DMXL1: variants seen among roughly 807,000 people sequenced by gnomAD.
DMXL1 encodes the protein Dmx like 1, also known as dmX-like protein 1.
A neutral mutation model predicts 319.2 loss-of-function variants in DMXL1; 99 were observed. That is an observed-to-expected ratio of 0.31 (90% confidence interval 0.26 to 0.37). The LOEUF (loss-of-function observed/expected upper bound fraction) is 0.37. Ranked by LOEUF, DMXL1 falls within the 10% of genes least tolerant of loss-of-function variation. DMXL1 has a pLI of 1.00. For missense variants in DMXL1, 3,745 were observed against 3,595.6 expected (o/e 1.04, Z -1.06); for synonymous variants, 1,385 against 1,235.2 (o/e 1.12, Z -2.54).
chr5:119,077,771 G>GTA (rs1371687209), intron 1 of DMXL1, among the ~76,000 whole-genome samples: 7 of 143,484 alleles, frequency 4.9e-5, no homozygotes, highest in Non-Finnish European at 1.1e-4. Context: ...GTGTGTGTGT[G>GTA]TGTGTGTGTG....
chr5:119,146,801 C>T, intron 15 of DMXL1, 36 bp from the exon 16 acceptor site: 1 of 1,587,050 alleles, frequency 6.3e-7, no homozygotes, highest in Admixed American at 1.8e-5. Context: ...CTCTTTTACA[C>T]ATAGTAACAG....
At chr5:119,110,884 G>T (rs1004476454) in intron 5 of DMXL1, among the ~76,000 whole-genome samples, 2 of 152,178 alleles carry the variant, frequency 1.3e-5, no homozygotes, top group African/African-American at 4.8e-5. Flanking sequence ...CACCTCCCTG[G>T]TTCAAGCAAT....
chr5:119,161,333 T>C (rs1476659454), intron 19 of DMXL1, among the ~76,000 whole-genome samples: 3 of 152,246 alleles, frequency 2.0e-5, no homozygotes, highest in Admixed American at 2.0e-4. Flanking sequence ...TAGCCTCTAA[T>C]TGGGCTGGGT....
chr5:119,177,612 AT>A, intron 27 of DMXL1, 128 bp downstream of exon 27: 1 of 692,570 alleles, frequency 1.4e-6, no homozygotes, highest in Non-Finnish European at 2.3e-6. Context: ...CCAGTTAAGT[AT>A]TCACCACTCA....
intron 3 of DMXL1, 51 bp from the exon 4 acceptor site, chr5:119,105,129 C>T: frequency 8.5e-7 from 1 of 1,170,560 alleles, no homozygotes; most frequent in Non-Finnish European, 1.3e-6. Context: ...ACACATTTGA[C>T]AGAGAAAATA....
At chr5:119,126,438 A>G (rs947058944) in intron 9 of DMXL1, among the ~76,000 whole-genome samples, 2 of 152,162 alleles carry the variant, frequency 1.3e-5, no homozygotes, top group African/African-American at 2.4e-5. Flanking sequence ...TATCCTCTCA[A>G]CAGTCATACC....
At chr5:119,233,797 A>T (rs1280870806) in intron 39 of DMXL1, among the ~76,000 whole-genome samples, 4 of 152,182 alleles carry the variant, frequency 2.6e-5, no homozygotes, top group African/African-American at 9.6e-5. Flanking sequence ...AGCAAGTAAC[A>T]TCTAGAGCTT....
At position 119,094,367 on chromosome 5, in the gene DMXL1, C is replaced by T. The variant is rs76385738; in HGVS notation, c.88-3612C>T. ...GTGCTCTACAAGTGGAACAACAAAG[C>T]CCGGATGACAGCACCTATGTATACA... On this transcript the variant is annotated intron_variant, in intron 1 of 43. Coordinates refer to ENST00000539542, the MANE Select transcript of DMXL1 (RefSeq NM_001290321.3). Among the ~76,000 whole-genome samples, 76 of 152,314 alleles carry T rather than the reference C, an allele frequency of 5.0e-4. 5 individuals are homozygous for T. In the East Asian group the frequency reaches 0.014, roughly 28 times the overall value.
Position 119,110,139 on chromosome 5 carries a change from TA to T in DMXL1, c.365-11del. On this transcript the variant is annotated splice_polypyrimidine_tract_variant and intron_variant, in intron 4 of 43. Coordinates refer to ENST00000539542, the MANE Select transcript of DMXL1 (RefSeq NM_001290321.3). ...TACCTAAATAATAAATGAGGAATAA[TA>T]TTTTTTTTAGGCAGTCGTCTTTTAA... 2.5e-6 allele frequency: 4 copies of T among 1,585,822 alleles called. No homozygotes were observed. The highest frequency in any genetic ancestry group is 3.4e-6 in the Non-Finnish European group (4 of 1,168,802).
chr5:119,217,437 A>G (rs1783878718), intron 35 of DMXL1, among the ~76,000 whole-genome samples: 1 of 152,254 alleles, frequency 6.6e-6, no homozygotes, highest in East Asian at 1.9e-4. Context: ...TTAAATTTCT[A>G]CTTAACATCC....
At position 119,077,062 on chromosome 5, in the gene DMXL1, C is replaced by T. The variant is rs111884955; in HGVS notation, c.87+5406C>T. ...AGAGATGGGGGTCTCACTGTATTGA[C>T]CAGGCATGACCAGGAACTCCTGGCC... On this transcript the variant is annotated intron_variant, in intron 1 of 43. Coordinates refer to ENST00000539542, the MANE Select transcript of DMXL1 (RefSeq NM_001290321.3). Among the ~76,000 whole-genome samples the T allele has an allele frequency of 4.1e-3, 624 of 152,260 alleles. 6 individuals carry two copies. The highest frequency in any genetic ancestry group is 0.013 in the African/African-American group (555 of 41,532).
intron 19 of DMXL1, among the ~76,000 whole-genome samples, chr5:119,162,530 A>C (rs533383739): frequency 6.6e-6 from 1 of 152,276 alleles, no homozygotes; most frequent in African/African-American, 2.4e-5. Context: ...AAAAAGGACT[A>C]CCTATGTCTC....
rs74716213 is a variant in DMXL1 at position 119,166,750 on chromosome 5, T to C, written c.5105T>C (p.Leu1702Pro). The change falls in exon 22 of 44, where the codon CTT becomes CCT. Residue 1702 changes from leucine to proline, a missense_variant. Around this residue, in one of 4 missense-constraint regions of DMXL1, gnomAD observed 1,382 missense variants for 1,269.5 expected, o/e 1.09. Transcript: ENST00000539542. The part of the protein sequence containing the change: ...QRFEHSAAFF[L>P]LAGCLRDAIE... ...TTTGAACATTCTGCAGCATTTTTTC[T>C]TTTAGCTGGTTGCCTCAGAGATGCA... 6.2e-7 allele frequency: 1 copy of C among 1,612,102 alleles called. No individual in the cohort carries two copies. The highest frequency in any genetic ancestry group is 8.5e-7 in the Non-Finnish European group (1 of 1,179,366).
At chr5:119,080,283 G>T (rs1179643884) in intron 1 of DMXL1, among the ~76,000 whole-genome samples, 1 of 152,096 alleles carries the variant, frequency 6.6e-6, no homozygotes, top group Non-Finnish European at 1.5e-5. Flanking sequence ...GGAGGCAGAG[G>T]TTGCAGTGAG....
At chr5:119,127,994 G>A (rs1763982942) in intron 9 of DMXL1, 15 of 407,674 alleles carry the variant, frequency 3.7e-5, no homozygotes, top group South Asian at 3.1e-4. Flanking sequence ...CCTGCACCCT[G>A]TTATGAGGCA....
In DMXL1 at chr5:119,171,320, A is replaced by G. The variant is rs543020383; in HGVS notation, c.6489+40A>G. 5.2e-6 allele frequency: 8 copies of G among 1,528,948 alleles called. No homozygotes were observed. The South Asian group carries it at 1.0e-4, about 20-fold the overall frequency. The allele number at this position is 1,528,948 out of a possible 1,614,324, so 94.7% of individuals were successfully genotyped here. On this transcript the variant is annotated intron_variant, in intron 24 of 43. Transcript: ENST00000539542. ...TGATAGTCAAAAATGGTACATGTCT[A>G]AAACTGTTTTTGGTGTTTCTTTTTT...
intron 4 of DMXL1, among the ~76,000 whole-genome samples, chr5:119,105,638 G>A (rs142823838): frequency 5.0e-4 from 76 of 152,292 alleles, no homozygotes; most frequent in African/African-American, 1.4e-3. Context: ...GCTCACGCCT[G>A]TATTCCCAGC....
At chr5:119,122,876 GA>G (rs1762516407) in intron 9 of DMXL1, among the ~76,000 whole-genome samples, 2 of 151,058 alleles carry the variant, frequency 1.3e-5, no homozygotes, top group Admixed American at 1.3e-4. Context: ...GCCAGGCAGA[GA>G]CGCTCCTTAC....
chr5:119,165,132 C>A, intron 20 of DMXL1, 51 bp from the exon 21 acceptor site: 1 of 1,132,296 alleles, frequency 8.8e-7, no homozygotes, highest in Non-Finnish European at 1.3e-6. Flanking sequence ...AAAGAAATTA[C>A]TTGTTCAAAA....
Sources: gnomAD v4.1 joint callset for allele counts (sites outside exome capture counted in the v4.1 genomes callset) on GRCh38, gnomAD v4.1.1 for gene constraint, gnomAD v4.1.1 regional missense constraint, MANE v1.5 for transcripts, NCBI Gene and HGNC (gene_info 2026-07-23, HGNC 2026-07-21) for gene names.